The following TSPAN2 variants were observed in gnomAD, a reference collection of about 807,000 sequenced individuals.
The protein encoded by TSPAN2 is tetraspanin 2.
A neutral mutation model predicts 33.3 loss-of-function variants in TSPAN2; 24 were observed. That is an observed-to-expected ratio of 0.72 (90% CI 0.52 to 1.01). The LOEUF (loss-of-function observed/expected upper bound fraction) is 1.01, where lower values mean the gene tolerates loss of function less well. TSPAN2 is among the 50% of genes least tolerant of loss of function. The probability of loss-of-function intolerance (pLI) is 0.00; values close to 1 mark genes in which losing one functional copy is unlikely to be tolerated. For synonymous variants in TSPAN2, 114 were observed against 104.5 expected, an observed-to-expected ratio of 1.09 and a Z score of -0.56; for missense variants, 278 against 281.3, an observed-to-expected ratio of 0.99 and a Z score of 0.08.
In TSPAN2 at chr1:115,085,413, C is replaced by T. The variant is rs766582834; in HGVS notation, c.69+3951G>A. Among the ~76,000 whole-genome samples, 6 of 152,270 alleles carry T rather than the reference C, an allele frequency of 3.9e-5. No homozygotes were observed. In the East Asian group the frequency reaches 7.7e-4, roughly 20 times the overall value. On this transcript the variant is annotated intron_variant, in intron 1 of 7. Coordinates refer to ENST00000369516, the MANE Select transcript of TSPAN2 (RefSeq NM_005725.6). ...CCTAGGGAAACTTAAAGCAAGCTGC[C>T]AGAGGAGGCTGCAAATTGATCTGTT...
chr1:115,061,538 T>C (rs1330957326), intron 3 of TSPAN2, among the ~76,000 whole-genome samples: 1 of 152,230 alleles, frequency 6.6e-6, no homozygotes, highest in African/African-American at 2.4e-5. Context: ...CACTGTGAAA[T>C]ATTTTTTTTT....
At chr1:115,086,082 G>C (rs1557886658) in intron 1 of TSPAN2, among the ~76,000 whole-genome samples, 1 of 152,072 alleles carries the variant, frequency 6.6e-6, no homozygotes, top group Admixed American at 6.5e-5. Flanking sequence ...CACCAAGAAA[G>C]GAATCAGGAG....
chr1:115,057,580 T>G lies in TSPAN2; in HGVS notation c.473A>C (p.Glu158Ala), dbSNP rs753069212. Residue 158 changes from glutamate (E) to alanine (A), a missense_variant, in exon 6 of 8, where the codon GAA becomes GCA. Coordinates refer to ENST00000369516, the MANE Select transcript of TSPAN2 (RefSeq NM_005725.6). ...CTTTGGGCATGTAGGTTGGACCTGTTCGGAGCTTTCTTTTCCACAGCACTG... is the reference window on the plus strand; with the variant it reads ...CTTTGGGCATGTAGGTTGGACCTGTGCGGAGCTTTCTTTTCCACAGCACTG... ...TFQCCGKESSEQVQPTCPKEL... is the reference protein window; with the variant it reads ...TFQCCGKESSAQVQPTCPKEL... The G allele has an allele frequency of 6.2e-7, 1 of 1,614,162 alleles. No homozygotes were observed. The highest frequency in any genetic ancestry group is 1.1e-5 in the South Asian group (1 of 91,084).
rs145764842 is a variant in TSPAN2, at chr1:115,083,663, C to T, written c.69+5701G>A. 9.8e-3 allele frequency among the ~76,000 whole-genome samples: 1,485 copies of T among 152,282 alleles called. 13 individuals are homozygous for T. Among genetic ancestry groups the T allele is most frequent in the Non-Finnish European group, 0.016 (1,062 of 68,024 alleles). Reference sequence around the variant, plus strand: ...AAGCTCCCTATGTGATCTGTACGCACGTTAAAGTTTGAGAGGCACTGATCA... The same window carrying T: ...AAGCTCCCTATGTGATCTGTACGCATGTTAAAGTTTGAGAGGCACTGATCA... On this transcript the variant is annotated intron_variant, in intron 1 of 7. Coordinates refer to ENST00000369516, the MANE Select transcript of TSPAN2 (RefSeq NM_005725.6).
At chr1:115,087,151 T>C (rs1391459134) in intron 1 of TSPAN2, among the ~76,000 whole-genome samples, 2 of 151,854 alleles carry the variant, frequency 1.3e-5, no homozygotes, top group Admixed American at 1.3e-4. Flanking sequence ...ACTCCTGACC[T>C]CAGGTGATCC....
intron 1 of TSPAN2, among the ~76,000 whole-genome samples, chr1:115,082,334 C>T (rs1648658488): frequency 6.6e-6 from 1 of 152,200 alleles, no homozygotes; most frequent in Non-Finnish European, 1.5e-5. Context: ...GTTATGAGTA[C>T]AGACTCTGGG....
At chr1:115,077,156 T>C (rs1407144880) in intron 1 of TSPAN2, among the ~76,000 whole-genome samples, 1 of 151,976 alleles carries the variant, frequency 6.6e-6, no homozygotes, top group Non-Finnish European at 1.5e-5. Context: ...TGGACTCAAG[T>C]GATCTGCTCA....
In TSPAN2 at chr1:115,062,178, C is replaced by T. The variant is rs1001927483; in HGVS notation, c.227G>A (p.Gly76Glu). The change falls in exon 3 of 8, where the codon GGG (glycine) becomes GAG (glutamate). Residue 76 changes from glycine to glutamate, a missense_variant. Coordinates refer to ENST00000369516, the MANE Select transcript of TSPAN2 (RefSeq NM_005725.6). ...GALMMAVGFFGCCGAMRESQC... is the reference protein window; with the variant it reads ...GALMMAVGFFECCGAMRESQC... ...CGACTCCCGCATGGCTCCGCAGCAC[C>T]CGAAGAACCCCACGGCCATCATCAG... 6.2e-7 allele frequency: 1 copy of T among 1,602,372 alleles called. No individual in the cohort carries two copies. Among genetic ancestry groups the T allele is most frequent in the Non-Finnish European group, 8.5e-7 (1 of 1,174,370 alleles).
At chr1:115,053,257 C>G (rs540661237) in intron 7 of TSPAN2, 122 bp downstream of exon 7, 1 of 791,428 alleles carries the variant, frequency 1.3e-6, no homozygotes, top group East Asian at 2.7e-5. Flanking sequence ...ACATTGTGAA[C>G]AAAGGTCTTT....
intron 1 of TSPAN2, among the ~76,000 whole-genome samples, chr1:115,081,814 C>T (rs1006827444): frequency 6.6e-6 from 1 of 152,206 alleles, no homozygotes; most frequent in Middle Eastern, 3.2e-3. Context: ...GGAAACATCG[C>T]TCCCATGGTT....
chr1:115,075,762 A>C (rs1477949255), intron 1 of TSPAN2, among the ~76,000 whole-genome samples: 1 of 152,120 alleles, frequency 6.6e-6, no homozygotes, highest in Non-Finnish European at 1.5e-5. Flanking sequence ...TCACGCCCAC[A>C]TTCTCTCTTC....
chr1:115,071,988 C>G lies in TSPAN2; in HGVS notation c.172+917G>C, dbSNP rs144323603. ...TTCCTCCCTGCCATAGAGGTCACCA[C>G]AGCAACTGAAGCTTACTCTATGGCT... On this transcript the variant is annotated intron_variant, in intron 2 of 7. Coordinates refer to ENST00000369516, the MANE Select transcript of TSPAN2 (RefSeq NM_005725.6). Among the ~76,000 whole-genome samples the G allele has an allele frequency of 8.5e-3, 1,299 of 152,336 alleles. 13 individuals carry two copies. Among genetic ancestry groups the G allele is most frequent in the African/African-American group, 0.029 (1,216 of 41,554 alleles).
intron 2 of TSPAN2, among the ~76,000 whole-genome samples, chr1:115,069,058 C>A (rs1648058651): frequency 6.6e-6 from 1 of 152,190 alleles, no homozygotes; most frequent in South Asian, 2.1e-4. Context: ...TATGATGACC[C>A]ACTTCTCTGA....
intron 1 of TSPAN2, among the ~76,000 whole-genome samples, chr1:115,081,430 C>T (rs2101047337): frequency 6.6e-6 from 1 of 152,344 alleles, no homozygotes; most frequent in Non-Finnish European, 1.5e-5. Context: ...CCTGGAATAT[C>T]TGCCAACTGT....
intron 1 of TSPAN2, among the ~76,000 whole-genome samples, chr1:115,089,001 C>T (rs1200994348): frequency 2.4e-5 from 2 of 83,030 alleles, no homozygotes; most frequent in Non-Finnish European, 2.3e-5. Context: ...GGTGTGTGCA[C>T]GGGAGACTGG....
At chr1:115,055,680 C>T (rs190255537) in intron 6 of TSPAN2, among the ~76,000 whole-genome samples, 10 of 152,168 alleles carry the variant, frequency 6.6e-5, no homozygotes, top group African/African-American at 9.6e-5. Flanking sequence ...CATGCCACCA[C>T]GCCTGGCTAA....
At chr1:115,081,592 G>A (rs1648627048) in intron 1 of TSPAN2, among the ~76,000 whole-genome samples, 1 of 152,188 alleles carries the variant, frequency 6.6e-6, no homozygotes, top group Non-Finnish European at 1.5e-5. Flanking sequence ...TCAGACTCTG[G>A]CACTTACTGG....
At chr1:115,089,320 C>T (rs1331947119) in intron 1 of TSPAN2, 44 bp downstream of exon 1, 1 of 1,496,580 alleles carries the variant, frequency 6.7e-7, no homozygotes, top group Non-Finnish European at 9.0e-7. Flanking sequence ...GCGCCCGCCA[C>T]CCGGCCCCCT....
chr1:115,073,335 C>T (rs1648262725), intron 1 of TSPAN2, among the ~76,000 whole-genome samples: 1 of 152,206 alleles, frequency 6.6e-6, no homozygotes, highest in African/African-American at 2.4e-5. Context: ...AACATTCCCT[C>T]TGGAAGGCAT....
Sources: allele counts gnomAD v4.1 joint callset (sites outside exome capture counted in the v4.1 genomes callset), GRCh38; gene constraint gnomAD v4.1.1; transcripts MANE v1.5; gene names NCBI Gene and HGNC (gene_info 2026-07-23, HGNC 2026-07-21).